The following SCAF4 variants were observed in gnomAD, a reference collection of about 807,000 sequenced individuals.
The protein encoded by SCAF4 is SR-related and CTD-associated factor 4.
Under a neutral mutation model 129.8 loss-of-function variants are expected in SCAF4, and 25 were observed. The ratio of observed to expected loss-of-function variants is 0.19; its 90% CI spans 0.14 to 0.27. SCAF4 has a LOEUF of 0.27. Ranked by LOEUF, SCAF4 falls within the 10% of genes least tolerant of loss-of-function variation. The probability of loss-of-function intolerance (pLI) is 1.00; values close to 1 mark genes in which losing one functional copy is unlikely to be tolerated. For missense variants in SCAF4, 1,246 were observed against 1,457.1 expected (o/e 0.86, Z 2.36); for synonymous variants, 551 against 497.7 (o/e 1.11, Z -1.43).
At chr21:31,688,079 C>T (rs1031034072) in intron 16 of SCAF4, among the ~76,000 whole-genome samples, 1 of 109,490 alleles carries the variant, frequency 9.1e-6, no homozygotes, top group Non-Finnish European at 1.7e-5. Flanking sequence ...ATCACCACCA[C>T]ATTCCAGCTT....
chr21:31,708,486 C>A (rs2050722659), intron 1 of SCAF4, among the ~76,000 whole-genome samples: 1 of 151,874 alleles, frequency 6.6e-6, no homozygotes, highest in Non-Finnish European at 1.5e-5. Context: ...AACACAAATT[C>A]TAAAAATATC....
Position 31,702,289 on chromosome 21 carries a change from T to G in SCAF4, c.412A>C (p.Thr138Pro). ...TCTGCTACTGGGGCTGCATTACTGG[T>G]TCCCGCTGCCATGTCCAAAAGAGGT... is the stretch of plus-strand genomic sequence containing the variant. Reference protein sequence around the residue: ...IQPLLDMAAGTSNAAPVAENV... With the variant: ...IQPLLDMAAGPSNAAPVAENV... Residue 138 changes from threonine (T) to proline (P), a missense_variant, in exon 5 of 20, where the codon ACC (threonine) becomes CCC (proline). Coordinates refer to ENST00000286835, the MANE Select transcript of SCAF4 (RefSeq NM_020706.2). The G allele has an allele frequency of 6.2e-7, 1 of 1,614,150 alleles. No homozygotes were observed.
rs1422306060 is a variant in SCAF4, at chr21:31,709,989, A to C, written c.31-3632T>G. On this transcript the variant is annotated intron_variant, in intron 1 of 19. Transcript: ENST00000286835. Reference sequence around the variant, plus strand: ...ATACCTGATACAATGCTGCATACAGACTAAATTTGTGCAGAGACCATTAAC... The same window carrying C: ...ATACCTGATACAATGCTGCATACAGCCTAAATTTGTGCAGAGACCATTAAC... 2.0e-5 allele frequency among the ~76,000 whole-genome samples: 3 copies of C among 152,210 alleles called. No homozygotes were observed. The South Asian group carries it at 6.2e-4, about 32-fold the overall frequency.
At chr21:31,696,911 A>G (rs1239240620) in intron 7 of SCAF4, among the ~76,000 whole-genome samples, 161 bp from the exon 8 acceptor site, 1 of 152,208 alleles carries the variant, frequency 6.6e-6, no homozygotes, top group East Asian at 1.9e-4. Flanking sequence ...TTGTAGATAT[A>G]AACAATTTTT....
Position 31,685,704 on chromosome 21 carries a change from T to C in SCAF4, c.2073A>G (p.Val691=), listed in dbSNP as rs988736695. Residue 691 remains valine, a synonymous_variant, in exon 17 of 20, where the codon GTA becomes GTG. Transcript: ENST00000286835. ...AAGCAGGCGGCTGGAGAGCACCAACTACAGGTGGACCCGGTTGATGTGGTG... is the reference window on the plus strand; with the variant it reads ...AAGCAGGCGGCTGGAGAGCACCAACCACAGGTGGACCCGGTTGATGTGGTG... ...QVPPHQPGPP[V]VGALQPPAFT... The C allele has an allele frequency of 6.2e-7, 1 of 1,608,652 alleles. No homozygotes were observed. The highest frequency in any genetic ancestry group is 2.2e-5 in the East Asian group (1 of 44,856).
In SCAF4 at chr21:31,696,152, T is replaced by C; in HGVS notation, c.1029A>G (p.Pro343=). Residue 343 remains proline (P), a synonymous_variant, in exon 9 of 20, where the codon CCA becomes CCG. Coordinates refer to ENST00000286835, the MANE Select transcript of SCAF4 (RefSeq NM_020706.2). ...TQHQNMDQFQ[P]RMMGIQQDPM... The stretch of plus-strand genomic sequence containing the variant: ...GATCCTGTTGTATTCCCATCATTCG[T>C]GGCTGAAACTGATCCATATTTTGAT... 1.2e-6 allele frequency: 2 copies of C among 1,613,978 alleles called. No individual in the cohort carries two copies. The highest frequency in any genetic ancestry group is 1.7e-6 in the Non-Finnish European group (2 of 1,179,892).
Position 31,671,320 on chromosome 21 carries a change from G to A in SCAF4, c.*79C>T, listed in dbSNP as rs187787213. The A allele has an allele frequency of 1.2e-4, 185 of 1,500,758 alleles. 2 individuals carry two copies. In the East Asian group the frequency reaches 2.4e-3, roughly 20 times the overall value. 93.0% of individuals were successfully genotyped at this position (1,500,758 alleles called of 1,614,324 possible). A position where few individuals can be genotyped will look rare whatever the true frequency, so the allele number is the denominator to read the frequency against. ...CGCGGGGCTGCAGTACAGCGGGAGC[G>A]GATATAATACAGCATCTGTACACCT... On this transcript the variant is annotated 3_prime_UTR_variant, in exon 20 of 20. Transcript: ENST00000286835.
chr21:31,688,201 T>C, intron 16 of SCAF4, 106 bp downstream of exon 16: 3 of 860,742 alleles, frequency 3.5e-6, no homozygotes, highest in East Asian at 3.1e-5. Flanking sequence ...TATGCACATA[T>C]ATGTACTCAT....
chr21:31,674,728 T>C (rs998336915), intron 19 of SCAF4, among the ~76,000 whole-genome samples: 3 of 152,230 alleles, frequency 2.0e-5, no homozygotes, highest in Non-Finnish European at 2.9e-5. Context: ...TTCAAAGCAA[T>C]TGTTCATTTC....
intron 7 of SCAF4, 86 bp downstream of exon 7, chr21:31,700,909 C>A: frequency 7.4e-7 from 1 of 1,343,820 alleles, no homozygotes; most frequent in East Asian, 2.3e-5. Context: ...AATGAACAAT[C>A]CACAGAAGGG....
intron 19 of SCAF4, among the ~76,000 whole-genome samples, chr21:31,682,428 C>T (rs1189155856): frequency 6.6e-6 from 1 of 151,326 alleles, no homozygotes; most frequent in South Asian, 2.1e-4. Flanking sequence ...CAGTTTAAAA[C>T]GAATCACAGA....
chr21:31,709,282 CTT>C (rs1057492297), intron 1 of SCAF4, among the ~76,000 whole-genome samples: 2 of 151,068 alleles, frequency 1.3e-5, no homozygotes, highest in East Asian at 2.0e-4. Context: ...CAAACTGACT[CTT>C]TTCCCTTCCC....
chr21:31,677,327 A>G (rs368377997), intron 19 of SCAF4, among the ~76,000 whole-genome samples: 27 of 152,218 alleles, frequency 1.8e-4, no homozygotes, highest in African/African-American at 6.0e-4. Context: ...CTTCCCAATC[A>G]TAAGTATGCT....
intron 1 of SCAF4, chr21:31,712,861 G>A (rs2050837697): frequency 3.1e-6 from 3 of 967,582 alleles, no homozygotes; most frequent in African/African-American, 1.8e-5. Context: ...AAACACTGAT[G>A]GCCTTCTTTA....
At chr21:31,724,453 TATC>T (rs2051151241) in intron 1 of SCAF4, among the ~76,000 whole-genome samples, 1 of 152,236 alleles carries the variant, frequency 6.6e-6, no homozygotes, top group African/African-American at 2.4e-5. Context: ...GTTTTCAGCT[TATC>T]ATGAAAGTTG....
chr21:31,672,470 T>C, intron 19 of SCAF4, 116 bp from the exon 20 acceptor site: 2 of 858,720 alleles, frequency 2.3e-6, no homozygotes, highest in South Asian at 3.2e-5. Flanking sequence ...TCAAATTTCA[T>C]AGTTTGCCAC....
intron 1 of SCAF4, among the ~76,000 whole-genome samples, chr21:31,712,529 T>C (rs1601252931): frequency 8.6e-6 from 1 of 116,538 alleles, no homozygotes; most frequent in Non-Finnish European, 1.9e-5. Flanking sequence ...GATTCTCCCT[T>C]TTTTTTTTTT....
chr21:31,675,553 C>A (rs945424238), intron 19 of SCAF4, among the ~76,000 whole-genome samples: 2 of 152,154 alleles, frequency 1.3e-5, no homozygotes, highest in Admixed American at 1.3e-4. Context: ...CAGCTGTCAA[C>A]GCAAGATCAG....
chr21:31,683,651 G>C (rs2050047336), intron 19 of SCAF4, among the ~76,000 whole-genome samples: 1 of 151,982 alleles, frequency 6.6e-6, no homozygotes, highest in Non-Finnish European at 1.5e-5. Flanking sequence ...GTGTATGTGG[G>C]ATGTGAAGAA....
Sources: gnomAD v4.1 joint callset for allele counts (sites outside exome capture counted in the v4.1 genomes callset) on GRCh38, gnomAD v4.1.1 for gene constraint, MANE v1.5 for transcripts, NCBI Gene and HGNC (gene_info 2026-07-23, HGNC 2026-07-21) for gene names.